C1orf105: variants seen among roughly 807,000 people sequenced by gnomAD.
C1orf105 encodes the protein uncharacterized protein C1orf105.
A neutral mutation model predicts 20.8 loss-of-function variants in C1orf105; 17 were observed. The observed-to-expected ratio is 0.82, with a 90% CI of 0.56 to 1.23. The LOEUF (loss-of-function observed/expected upper bound fraction) is 1.23, where lower values mean the gene tolerates loss of function less well. C1orf105 is among the 50% of genes most tolerant of loss of function. C1orf105 has a pLI of 0.00. For missense variants in C1orf105, 219 were observed against 213.5 expected, an observed-to-expected ratio of 1.03 and a Z score of -0.16; for synonymous variants, 72 against 72.1, an observed-to-expected ratio of 1.00 and a Z score of 0.01.
intron 4 of C1orf105, among the ~76,000 whole-genome samples, chr1:172,458,760 C>T (rs940724241): frequency 9.2e-5 from 14 of 152,002 alleles, no homozygotes; most frequent in Admixed American, 1.3e-4. Flanking sequence ...AAAAGAAGAA[C>T]GAAGTTGGAG....
rs1650246053 is a variant in C1orf105, at chr1:172,468,697, CA to C, written c.*107del. The C allele has an allele frequency of 7.7e-7, 1 of 1,303,326 alleles. No individual in the cohort carries two copies. The highest frequency in any genetic ancestry group is 2.3e-5 in the East Asian group (1 of 42,556). 80.7% of individuals were successfully genotyped at this position (1,303,326 alleles called of 1,614,324 possible). On this transcript the variant is annotated 3_prime_UTR_variant, in exon 7 of 7. Coordinates refer to ENST00000367727, the MANE Select transcript of C1orf105 (RefSeq NM_139240.4). Reference sequence around the variant, plus strand: ...CTCCTCACAATTTTCTCTCTTCTCCCAAAAGATGATTTAATTTTGCCTTCCT... The same window carrying C: ...CTCCTCACAATTTTCTCTCTTCTCCCAAAGATGATTTAATTTTGCCTTCCT...
At chr1:172,452,713 G>A in intron 3 of C1orf105, 1 of 914,484 alleles carries the variant, frequency 1.1e-6, no homozygotes, top group Non-Finnish European at 1.3e-6. Context: ...TTTGGCTTCT[G>A]GGGACTGGCT....
chr1:172,444,164 G>A (rs2149172092), intron 1 of C1orf105: 1 of 987,418 alleles, frequency 1.0e-6, no homozygotes, highest in Non-Finnish European at 1.2e-6. Context: ...CCTCCTGGCT[G>A]CTCGAAGGAC....
At position 172,468,645 on chromosome 1, in the gene C1orf105, C is replaced by A. The variant is rs746851485; in HGVS notation, c.*51C>A. 2 of 1,557,332 alleles carry A rather than the reference C, an allele frequency of 1.3e-6. No individual in the cohort carries two copies. The highest frequency in any genetic ancestry group is 1.4e-5 in the African/African-American group (1 of 73,408). Reference sequence around the variant, plus strand: ...ACTCCCAGAGAGAAAATAACCTCGCCAAGCCAATCTTTGACACTGGCACCT... The same window carrying A: ...ACTCCCAGAGAGAAAATAACCTCGCAAAGCCAATCTTTGACACTGGCACCT... On this transcript the variant is annotated 3_prime_UTR_variant, in exon 7 of 7. Coordinates refer to ENST00000367727, the MANE Select transcript of C1orf105 (RefSeq NM_139240.4).
At chr1:172,428,763 G>T in intron 1 of C1orf105, 2 of 692,076 alleles carry the variant, frequency 2.9e-6, no homozygotes, top group African/African-American at 1.8e-5. Flanking sequence ...AGCTCTACTA[G>T]GTCAAGAACC....
intron 1 of C1orf105, chr1:172,431,414 G>C (rs1332620215): frequency 1.3e-5 from 3 of 232,830 alleles, no homozygotes; most frequent in Non-Finnish European, 2.5e-5. Context: ...CCACAACAAG[G>C]CGCTAACTCT....
intron 1 of C1orf105, among the ~76,000 whole-genome samples, chr1:172,437,008 C>T (rs1380553438): frequency 3.3e-5 from 5 of 152,202 alleles, no homozygotes; most frequent in Non-Finnish European, 5.9e-5. Context: ...CACTGGTCAT[C>T]AGAGAAATGC....
At chr1:172,427,383 TAAC>T (rs1203223086) in intron 1 of C1orf105, among the ~76,000 whole-genome samples, 2 of 152,178 alleles carry the variant, frequency 1.3e-5, no homozygotes, top group African/African-American at 4.8e-5. Context: ...CACCATCAAC[TAAC>T]AACTCTCTAC....
chr1:172,456,544 C>A (rs1649271048), intron 4 of C1orf105, 55 bp downstream of exon 4: 2 of 1,531,288 alleles, frequency 1.3e-6, no homozygotes, highest in Admixed American at 3.3e-5. Flanking sequence ...GCAGCACTGC[C>A]CTTCCCAGCC....
chr1:172,423,046 C>T (rs113539249), intron 1 of C1orf105, among the ~76,000 whole-genome samples: 9 of 152,280 alleles, frequency 5.9e-5, no homozygotes, highest in African/African-American at 2.2e-4. Context: ...CACCCAGGGC[C>T]CAGGGGAACT....
At chr1:172,444,995 T>G in intron 1 of C1orf105, 78 bp from the exon 2 acceptor site, 1 of 1,156,720 alleles carries the variant, frequency 8.6e-7, no homozygotes, top group Admixed American at 1.9e-5. Context: ...TGGCTGCTAT[T>G]AGCTGACTTT....
intron 3 of C1orf105, among the ~76,000 whole-genome samples, chr1:172,455,218 G>A (rs1018248390): frequency 6.6e-6 from 1 of 152,226 alleles, no homozygotes; most frequent in African/African-American, 2.4e-5. Flanking sequence ...AACCCCCCAT[G>A]ATGCATCACC....
intron 1 of C1orf105, among the ~76,000 whole-genome samples, 199 bp from the exon 2 acceptor site, chr1:172,444,873 TG>T (rs1647793781): frequency 6.6e-6 from 1 of 152,230 alleles, no homozygotes; most frequent in African/African-American, 2.4e-5. Flanking sequence ...TCACACTACC[TG>T]AGCTTTGATT....
At chr1:172,448,410 G>A (rs368460288) in intron 2 of C1orf105, 31 bp from the exon 3 acceptor site, 87 of 1,463,806 alleles carry the variant, frequency 5.9e-5, no homozygotes, top group Non-Finnish European at 8.1e-5. Context: ...TGGGACTGCG[G>A]TTCTAACGTT....
At chr1:172,442,479 A>G (rs1400782569) in intron 1 of C1orf105, 9 of 1,614,058 alleles carry the variant, frequency 5.6e-6, no homozygotes, top group Non-Finnish European at 7.6e-6. Flanking sequence ...CCACAGCCCA[A>G]TATTGGTATT....
intron 1 of C1orf105, among the ~76,000 whole-genome samples, chr1:172,425,503 C>G (rs1022864101): frequency 6.6e-6 from 1 of 152,082 alleles, no homozygotes; most frequent in African/African-American, 2.4e-5. Flanking sequence ...GCCCAACAAG[C>G]CTTCAGCTGT....
chr1:172,454,625 G>T (rs1558140901), intron 3 of C1orf105, among the ~76,000 whole-genome samples: 1 of 151,906 alleles, frequency 6.6e-6, no homozygotes, highest in Non-Finnish European at 1.5e-5. Flanking sequence ...ATTCTTCCAG[G>T]TTGTTGTATA....
chr1:172,448,608 C>T (rs113411201), intron 3 of C1orf105, 77 bp downstream of exon 3: 30 of 826,966 alleles, frequency 3.6e-5, no homozygotes, highest in Non-Finnish European at 5.6e-5. Context: ...TGTCCCATCT[C>T]CTTAGCACAG....
intron 1 of C1orf105, chr1:172,442,289 T>G (rs765931789): frequency 1.2e-6 from 2 of 1,613,714 alleles, no homozygotes; most frequent in Admixed American, 3.3e-5. Flanking sequence ...GTCTGCCCAC[T>G]CTTCTTCCGC....
Sources: allele counts gnomAD v4.1 joint callset (sites outside exome capture counted in the v4.1 genomes callset), GRCh38; gene constraint gnomAD v4.1.1; transcripts MANE v1.5; gene names NCBI Gene and HGNC (gene_info 2026-07-23, HGNC 2026-07-21).